Variants in PKNOX2 observed in about 807,000 individuals in gnomAD.
PKNOX2 encodes the protein homeobox protein PKNOX2.
Under a neutral mutation model 53.1 loss-of-function variants are expected in PKNOX2, and 14 were observed. The ratio of observed to expected loss-of-function variants is 0.26; its 90% CI spans 0.17 to 0.41. The LOEUF (loss-of-function observed/expected upper bound fraction) is 0.41. Ranked by LOEUF, PKNOX2 falls within the 10% of genes least tolerant of loss-of-function variation. PKNOX2 has a pLI of 1.00. For missense variants in PKNOX2, 496 were observed against 602.8 expected (o/e 0.82, Z 1.85); for synonymous variants, 257 against 242.8 (o/e 1.06, Z -0.54).
chr11:125,373,050 C>T (rs1053190175), intron 5 of PKNOX2, among the ~76,000 whole-genome samples: 6 of 152,206 alleles, frequency 3.9e-5, no homozygotes, highest in African/African-American at 7.2e-5. Context: ...CTAAAGGTCA[C>T]GGAAGTTCCC....
intron 10 of PKNOX2, 56 bp downstream of exon 10, chr11:125,411,921 C>T (rs945819582): frequency 1.9e-6 from 3 of 1,608,714 alleles, no homozygotes; most frequent in East Asian, 2.2e-5. Flanking sequence ...GAATAACCCA[C>T]CGTGTGGGTA....
intron 1 of PKNOX2, among the ~76,000 whole-genome samples, chr11:125,197,560 C>T (rs1389415552): frequency 6.6e-6 from 1 of 152,188 alleles, no homozygotes; most frequent in Non-Finnish European, 1.5e-5. Context: ...CCTGTCAAGG[C>T]TCTCCTGGGG....
At position 125,178,632 on chromosome 11, in the gene PKNOX2, AAG is replaced by A. The variant is rs1955904622; in HGVS notation, c.-201+13858_-201+13859del. Among the ~76,000 whole-genome samples the A allele has an allele frequency of 1.8e-4, 16 of 89,188 alleles. 1 individual carries two copies. The highest frequency in any genetic ancestry group is 1.1e-3 in the African/African-American group (14 of 12,998). 58.5% of individuals were successfully genotyped at this position (89,188 alleles called of 152,430 possible). On this transcript the variant is annotated intron_variant, in intron 1 of 12. Coordinates refer to ENST00000298282, the MANE Select transcript of PKNOX2 (RefSeq NM_001382323.2). The stretch of plus-strand genomic sequence containing the variant: ...AAGGAAAGAAAGAAAGAAAGAAAGA[AAG>A]AAAGAAAGAAAGAAGGAAGGAAGGA...
chr11:125,399,815 G>A (rs1312948691), intron 7 of PKNOX2, among the ~76,000 whole-genome samples: 4 of 152,192 alleles, frequency 2.6e-5, no homozygotes, highest in East Asian at 1.9e-4. Context: ...GGGAAGGAAG[G>A]AGGGGCAGAG....
Position 125,373,350 on chromosome 11 carries a change from G to T in PKNOX2, c.227+5365G>T, listed in dbSNP as rs559289971. Among the ~76,000 whole-genome samples the T allele has an allele frequency of 6.6e-5, 10 of 152,360 alleles. No individual in the cohort carries two copies. In the South Asian group the frequency reaches 2.1e-3, roughly 32 times the overall value. ...TGCTTTGGCCCATTCAGGATGTGAA[G>T]TCTGGTACATTCGGGGGGACAGGAT... On this transcript the variant is annotated intron_variant, in intron 5 of 12. Transcript: ENST00000298282.
chr11:125,248,887 CATATATA>C (rs1436560724), intron 2 of PKNOX2, among the ~76,000 whole-genome samples: 9 of 123,556 alleles, frequency 7.3e-5, no homozygotes, highest in Non-Finnish European at 1.0e-4. Context: ...ATATATATAA[CATATATA>C]ATATATATAA....
At chr11:125,315,013 TTCCCAACCAGGAGCCGGACAGAGTCC>T (rs1274375358) in intron 2 of PKNOX2, among the ~76,000 whole-genome samples, 1 of 152,156 alleles carries the variant, frequency 6.6e-6, no homozygotes, top group East Asian at 1.9e-4. Context: ...CCCTCTGGTC[TTCCCAACCAGGAGCCGGACAGAGTCC>T]TCTCTAAGGC....
In PKNOX2 at chr11:125,240,840, A is replaced by T. The variant is rs541638624; in HGVS notation, c.-130+5725A>T. 1.4e-4 allele frequency among the ~76,000 whole-genome samples: 21 copies of T among 152,226 alleles called. No individual in the cohort carries two copies. The highest frequency in any genetic ancestry group is 8.5e-4 in the Admixed American group (13 of 15,296). ...TCTTGCCTTTGCAGTTAGCCAGCCA[A>T]GCTGGCTCTTCAGAGAGGAAAAATT... On this transcript the variant is annotated intron_variant, in intron 2 of 12. Transcript: ENST00000298282. The surrounding 1 kb of genome is among the most constrained non-coding windows in gnomAD (Gnocchi z 4.3).
At chr11:125,419,159 A>G (rs2845837) in intron 10 of PKNOX2, among the ~76,000 whole-genome samples, 75,017 of 151,596 alleles carry the variant, frequency 0.49, 19,651 homozygotes, top group East Asian at 0.68. Flanking sequence ...TTGAGTTTTC[A>G]CCACCCCCTC....
At chr11:125,375,994 G>A (rs1293347735) in intron 5 of PKNOX2, among the ~76,000 whole-genome samples, 1 of 152,210 alleles carries the variant, frequency 6.6e-6, no homozygotes, top group Non-Finnish European at 1.5e-5. Flanking sequence ...TCCCCACCAG[G>A]TCTCATGTAT....
chr11:125,430,626 C>T (rs1956653048), intron 12 of PKNOX2, among the ~76,000 whole-genome samples: 1 of 152,296 alleles, frequency 6.6e-6, no homozygotes, highest in South Asian at 2.1e-4. Context: ...TATAGCTTGG[C>T]ATATGAAGAT....
rs1591522362 is a variant in PKNOX2 at position 125,309,791 on chromosome 11, T to G, written c.-129-22028T>G. Among the ~76,000 whole-genome samples the G allele has an allele frequency of 2.0e-5, 3 of 152,368 alleles. No individual in the cohort carries two copies. In the South Asian group the frequency reaches 6.2e-4, roughly 32 times the overall value. ...TCTTTCTCAATCTTAATTCTCTCTGTAAACACATTAACTATTTATTTCAGT... is the reference window on the plus strand; with the variant it reads ...TCTTTCTCAATCTTAATTCTCTCTGGAAACACATTAACTATTTATTTCAGT... On this transcript the variant is annotated intron_variant, in intron 2 of 12. Coordinates refer to ENST00000298282, the MANE Select transcript of PKNOX2 (RefSeq NM_001382323.2).
At chr11:125,194,604 G>C (rs546060657) in intron 1 of PKNOX2, among the ~76,000 whole-genome samples, 1 of 152,192 alleles carries the variant, frequency 6.6e-6, no homozygotes, top group East Asian at 1.9e-4. Context: ...CTGGGGTTTT[G>C]GTGAGCCCCT....
chr11:125,422,898 C>A lies in PKNOX2; in HGVS notation c.937-6114C>A, dbSNP rs1956237932. 6.6e-6 allele frequency among the ~76,000 whole-genome samples: 1 copy of A among 152,172 alleles called. No homozygotes were observed. The highest frequency in any genetic ancestry group is 1.5e-5 in the Non-Finnish European group (1 of 68,034). On this transcript the variant is annotated intron_variant, in intron 10 of 12. Transcript: ENST00000298282. The surrounding 1 kb of genome is among the most constrained non-coding windows in gnomAD (Gnocchi z 4.1). ...GAGGCTCCTGCCATCTGCCAGGAAACAACCTGTGGCTTCTTCAGAGACACA... is the reference window on the plus strand; with the variant it reads ...GAGGCTCCTGCCATCTGCCAGGAAAAAACCTGTGGCTTCTTCAGAGACACA...
intron 7 of PKNOX2, among the ~76,000 whole-genome samples, chr11:125,402,223 T>A (rs1227863417): frequency 6.6e-6 from 1 of 152,038 alleles, no homozygotes; most frequent in Admixed American, 6.5e-5. Flanking sequence ...CAGCTAGATT[T>A]TCCCCCTCCC....
intron 1 of PKNOX2, among the ~76,000 whole-genome samples, chr11:125,190,716 TG>T (rs1956827237): frequency 6.6e-6 from 1 of 152,340 alleles, no homozygotes; most frequent in South Asian, 2.1e-4. Context: ...GCTCTCACTC[TG>T]GCCGTCACCA....
chr11:125,309,200 C>T (rs1179763742), intron 2 of PKNOX2, among the ~76,000 whole-genome samples: 1 of 144,120 alleles, frequency 6.9e-6, no homozygotes, highest in Non-Finnish European at 1.5e-5. Context: ...TCCTTCCTCT[C>T]TCTTCCTTCC....
At chr11:125,204,390 G>A (rs1938820536) in intron 1 of PKNOX2, among the ~76,000 whole-genome samples, 1 of 152,216 alleles carries the variant, frequency 6.6e-6, no homozygotes, top group Non-Finnish European at 1.5e-5. Flanking sequence ...GTGTTGAACA[G>A]GCTCCTGGTG....
chr11:125,193,013 G>A (rs1956972468), intron 1 of PKNOX2, among the ~76,000 whole-genome samples: 3 of 152,212 alleles, frequency 2.0e-5, no homozygotes, highest in Admixed American at 1.3e-4. Context: ...TGCCGGGTGG[G>A]ACCCTCAGGG....
Sources: allele counts gnomAD v4.1 joint callset (sites outside exome capture counted in the v4.1 genomes callset), GRCh38; gene constraint gnomAD v4.1.1; non-coding constraint Gnocchi (gnomAD v3.1); transcripts MANE v1.5; gene names NCBI Gene and HGNC (gene_info 2026-07-23, HGNC 2026-07-21).